The following TOM1L2 variants were observed in gnomAD, a reference collection of about 807,000 sequenced individuals.
The protein encoded by TOM1L2 is TOM1-like protein 2.
TOM1L2 carries 31 observed loss-of-function variants against 67.9 expected under a neutral mutation model. The observed-to-expected ratio is 0.46, with a 90% confidence interval of 0.34 to 0.62. TOM1L2 has a LOEUF of 0.62. TOM1L2 is among the 20% of genes least tolerant of loss of function. The pLI, the probability that TOM1L2 is intolerant of heterozygous loss-of-function variation, is 0.01. For missense variants in TOM1L2, 606 were observed against 663.5 expected, an observed-to-expected ratio of 0.91 and a Z score of 0.95; for synonymous variants, 256 against 254.0, an observed-to-expected ratio of 1.01 and a Z score of -0.07.
At chr17:17,947,015 G>A (rs575025272) in intron 1 of TOM1L2, among the ~76,000 whole-genome samples, 7 of 152,270 alleles carry the variant, frequency 4.6e-5, no homozygotes, top group South Asian at 2.1e-4. Flanking sequence ...GTACGCCACC[G>A]TGCCAGCCTA....
At chr17:17,926,108 C>A (rs1160374476) in intron 1 of TOM1L2, among the ~76,000 whole-genome samples, 1 of 150,888 alleles carries the variant, frequency 6.6e-6, no homozygotes, top group Non-Finnish European at 1.5e-5. Context: ...GATGTCGAGG[C>A]CGCAGTGAGT....
Position 17,915,745 on chromosome 17 carries a change from C to T in TOM1L2, c.53-8214G>A, listed in dbSNP as rs552365287. Among the ~76,000 whole-genome samples the T allele has an allele frequency of 8.4e-4, 128 of 151,994 alleles. 1 individual carries two copies. Among genetic ancestry groups the T allele is most frequent in the Middle Eastern group, 3.4e-3 (1 of 294 alleles). On this transcript the variant is annotated intron_variant, in intron 1 of 14. Coordinates refer to ENST00000379504, the MANE Select transcript of TOM1L2 (RefSeq NM_001082968.2). Reference sequence around the variant, plus strand: ...CTATGTTACCCAGGCTGATCTTGAACGCCTGGCCTCAAGTGATCCTCTTGC... The same window carrying T: ...CTATGTTACCCAGGCTGATCTTGAATGCCTGGCCTCAAGTGATCCTCTTGC...
At chr17:17,894,797 G>A (rs1156656666) in intron 3 of TOM1L2, among the ~76,000 whole-genome samples, 1 of 152,222 alleles carries the variant, frequency 6.6e-6, no homozygotes, top group East Asian at 1.9e-4. Context: ...CAGGCTTGGT[G>A]GCACATGCCT....
intron 12 of TOM1L2, among the ~76,000 whole-genome samples, chr17:17,852,829 C>T (rs2036049258): frequency 7.1e-6 from 1 of 141,090 alleles, no homozygotes; most frequent in Non-Finnish European, 1.5e-5. Context: ...CACGCCATTG[C>T]ACTCCACCCT....
At chr17:17,903,870 G>C (rs2038968596) in intron 2 of TOM1L2, among the ~76,000 whole-genome samples, 1 of 151,486 alleles carries the variant, frequency 6.6e-6, no homozygotes, top group Non-Finnish European at 1.5e-5. Flanking sequence ...TCTACTTAGT[G>C]AAAGAGGTGA....
At chr17:17,934,388 G>A (rs2040440080) in intron 1 of TOM1L2, among the ~76,000 whole-genome samples, 2 of 152,132 alleles carry the variant, frequency 1.3e-5, no homozygotes, top group Admixed American at 1.3e-4. Context: ...CAAGGCTGCA[G>A]TGAGCTATGA....
rs1248961918 is a variant in TOM1L2 at position 17,908,911 on chromosome 17, G to A, written c.53-1380C>T. 3.3e-5 allele frequency among the ~76,000 whole-genome samples: 5 copies of A among 152,264 alleles called. No homozygotes were observed. The East Asian group carries it at 5.8e-4, about 18-fold the overall frequency. ...AACACAGAATTACCCAGCCAGGCGCGGTGGCTCACGTCTGTAATCCCAGCA... is the reference window on the plus strand; with the variant it reads ...AACACAGAATTACCCAGCCAGGCGCAGTGGCTCACGTCTGTAATCCCAGCA... On this transcript the variant is annotated intron_variant, in intron 1 of 14. Coordinates refer to ENST00000379504, the MANE Select transcript of TOM1L2 (RefSeq NM_001082968.2).
chr17:17,928,213 T>G (rs183274248), intron 1 of TOM1L2, among the ~76,000 whole-genome samples: 3 of 151,386 alleles, frequency 2.0e-5, no homozygotes, highest in Non-Finnish European at 2.9e-5. Context: ...GACCCGGCAA[T>G]AGCCCCCTAA....
intron 10 of TOM1L2, 90 bp from the exon 11 acceptor site, chr17:17,862,938 G>A (rs2036640639): frequency 5.9e-6 from 4 of 676,172 alleles, no homozygotes; most frequent in Non-Finnish European, 9.9e-6. Context: ...CGCCAGCCAG[G>A]TGGGTTTAGG....
intron 1 of TOM1L2, among the ~76,000 whole-genome samples, chr17:17,958,289 C>T (rs1419735641): frequency 6.6e-6 from 1 of 152,144 alleles, no homozygotes; most frequent in Non-Finnish European, 1.5e-5. Context: ...GAGCAGTGAA[C>T]AGTCCCAGAC....
At chr17:17,888,975 G>A (rs2038132404) in intron 4 of TOM1L2, among the ~76,000 whole-genome samples, 1 of 152,262 alleles carries the variant, frequency 6.6e-6, no homozygotes, top group Admixed American at 6.5e-5. Context: ...CCTGGGGGTA[G>A]AAGTGAGTGT....
chr17:17,862,896 T>C, intron 10 of TOM1L2, 48 bp from the exon 11 acceptor site: 1 of 1,517,028 alleles, frequency 6.6e-7, no homozygotes, highest in Non-Finnish European at 9.1e-7. Flanking sequence ...AAATGTAGAC[T>C]GTAGATCTGA....
intron 12 of TOM1L2, among the ~76,000 whole-genome samples, chr17:17,854,354 G>A (rs1239247202): frequency 6.6e-6 from 1 of 152,070 alleles, no homozygotes; most frequent in Non-Finnish European, 1.5e-5. Context: ...TGAGTCTTAG[G>A]GGACTCTGTT....
rs1451606044 is a variant in TOM1L2 at position 17,845,871 on chromosome 17, G to C, written c.*1764C>G. ...CAGGTGTGGCATGTGCTGCCAGAGA[G>C]GACAGGGCTAGAATCAGGCTGGCCA... is the stretch of plus-strand genomic sequence containing the variant. On this transcript the variant is annotated 3_prime_UTR_variant, in exon 15 of 15. Coordinates refer to ENST00000379504, the MANE Select transcript of TOM1L2 (RefSeq NM_001082968.2). 6.6e-6 allele frequency: 1 copy of C among 152,474 alleles called. No homozygotes were observed. The highest frequency in any genetic ancestry group is 1.9e-4 in the East Asian group (1 of 5,202). The allele number at this position is 152,474 out of a possible 1,614,324, so 9.4% of individuals were successfully genotyped here.
intron 1 of TOM1L2, 118 bp downstream of exon 1, chr17:17,972,144 C>A: frequency 7.8e-7 from 1 of 1,277,008 alleles, no homozygotes; most frequent in Non-Finnish European, 1.1e-6. Flanking sequence ...GCACCCGCGG[C>A]TGGCGGAGGC....
chr17:17,922,379 C>T (rs750422363), intron 1 of TOM1L2, among the ~76,000 whole-genome samples: 35 of 152,306 alleles, frequency 2.3e-4, no homozygotes, highest in Middle Eastern at 3.4e-3. Context: ...GGGCTTTCCA[C>T]AGGAGGCAAC....
chr17:17,940,642 A>G (rs981922142), intron 1 of TOM1L2, among the ~76,000 whole-genome samples: 3 of 152,254 alleles, frequency 2.0e-5, no homozygotes, highest in Admixed American at 6.5e-5. Flanking sequence ...CAAGACCCTC[A>G]GCAATGCCAT....
At chr17:17,931,697 G>A (rs73301862) in intron 1 of TOM1L2, among the ~76,000 whole-genome samples, 3,667 of 152,332 alleles carry the variant, frequency 0.024, 146 homozygotes, top group African/African-American at 0.083. Context: ...AATTAGATCA[G>A]AGAGTCTGAC....
intron 3 of TOM1L2, among the ~76,000 whole-genome samples, chr17:17,896,223 C>T (rs1300064682): frequency 6.6e-6 from 1 of 152,136 alleles, no homozygotes; most frequent in Non-Finnish European, 1.5e-5. Context: ...CTAGGATTCT[C>T]TAAAACCTTC....
Sources: allele counts gnomAD v4.1 joint callset (sites outside exome capture counted in the v4.1 genomes callset), GRCh38; gene constraint gnomAD v4.1.1; transcripts MANE v1.5; gene names NCBI Gene and HGNC (gene_info 2026-07-23, HGNC 2026-07-21).